CYTH1: variants seen among roughly 807,000 people sequenced by gnomAD.
CYTH1 encodes the protein cytohesin 1, also known as cytohesin-1.
CYTH1 carries 18 observed loss-of-function variants against 61.8 expected under a neutral mutation model. The ratio of observed to expected loss-of-function variants is 0.29; its 90% CI spans 0.20 to 0.43. The LOEUF is 0.43. CYTH1 is among the 20% of genes least tolerant of loss of function. The probability of loss-of-function intolerance (pLI) is 1.00; values close to 1 mark genes in which losing one functional copy is unlikely to be tolerated. For missense variants in CYTH1, 336 were observed against 510.5 expected, an observed-to-expected ratio of 0.66 and a Z score of 3.29; for synonymous variants, 174 against 184.3, an observed-to-expected ratio of 0.94 and a Z score of 0.45.
chr17:78,776,791 G>A (rs1386406696), intron 1 of CYTH1, among the ~76,000 whole-genome samples: 1 of 151,054 alleles, frequency 6.6e-6, no homozygotes, highest in Admixed American at 6.6e-5. Context: ...TTGTCTGGTG[G>A]GACTCCACAG....
chr17:78,765,802 G>A (rs1188274119), intron 1 of CYTH1, among the ~76,000 whole-genome samples: 2 of 152,112 alleles, frequency 1.3e-5, no homozygotes, highest in Non-Finnish European at 2.9e-5. Context: ...GCAGGCAAAT[G>A]ATCACAACTT....
chr17:78,677,291 G>T (rs1216210069), intron 13 of CYTH1: 3 of 358,948 alleles, frequency 8.4e-6, no homozygotes, highest in South Asian at 6.2e-5. Context: ...AAGCTGGGGG[G>T]TTCTGCAGAG....
intron 11 of CYTH1, among the ~76,000 whole-genome samples, chr17:78,684,948 C>G (rs1255460495): frequency 1.3e-5 from 2 of 152,180 alleles, no homozygotes; most frequent in Non-Finnish European, 2.9e-5. Context: ...CGCCTGTAAT[C>G]CCAGCACTTT....
intron 4 of CYTH1, 60 bp from the exon 5 acceptor site, chr17:78,702,300 G>C: frequency 7.1e-7 from 1 of 1,401,014 alleles, no homozygotes; most frequent in East Asian, 2.3e-5. Context: ...GAAAAGAAGG[G>C]GAAAGGGCAC....
At chr17:78,767,379 T>C (rs2093453120) in intron 1 of CYTH1, among the ~76,000 whole-genome samples, 1 of 152,160 alleles carries the variant, frequency 6.6e-6, no homozygotes, top group Admixed American at 6.5e-5. Flanking sequence ...CAGGCTCCCA[T>C]AGCATTTGTT....
chr17:78,745,136 G>C, intron 1 of CYTH1, among the ~76,000 whole-genome samples: 1 of 152,066 alleles, frequency 6.6e-6, no homozygotes, highest in East Asian at 1.9e-4. Context: ...GAGGACCCTT[G>C]AGCCAGGACT....
At position 78,711,302 on chromosome 17, in the gene CYTH1, A is replaced by T. The variant is rs1033059557; in HGVS notation, c.23-1570T>A. On this transcript the variant is annotated intron_variant, in intron 1 of 13. Transcript: ENST00000446868. ...TAAATAAATAAATAAATAAATAAAT[A>T]ATATATATATATACACACACACACA... is the stretch of plus-strand genomic sequence containing the variant. Among the ~76,000 whole-genome samples the T allele has an allele frequency of 6.0e-5, 8 of 132,246 alleles. 1 individual carries two copies. The South Asian group carries it at 9.5e-4, about 16-fold the overall frequency. 86.8% of individuals were successfully genotyped at this position (132,246 alleles called of 152,430 possible).
intron 13 of CYTH1, chr17:78,677,798 T>C (rs2092716811): frequency 6.6e-6 from 1 of 152,330 alleles, no homozygotes; most frequent in African/African-American, 2.4e-5. Context: ...CCAGATCATC[T>C]TCCTGCTCCT....
At chr17:78,754,491 G>A (rs2144684901) in intron 1 of CYTH1, among the ~76,000 whole-genome samples, 1 of 152,038 alleles carries the variant, frequency 6.6e-6, no homozygotes, top group South Asian at 2.1e-4. Context: ...CCACAGGTGT[G>A]CACCAACGTG....
intron 1 of CYTH1, among the ~76,000 whole-genome samples, chr17:78,765,065 T>G (rs1042267354): frequency 6.6e-6 from 1 of 152,112 alleles, no homozygotes; most frequent in African/African-American, 2.4e-5. Flanking sequence ...AAAGCATCCC[T>G]AGCACAGTGA....
chr17:78,681,399 A>G (rs7215260), intron 11 of CYTH1, among the ~76,000 whole-genome samples: 76,051 of 151,752 alleles, frequency 0.5, 19,366 homozygotes, highest in East Asian at 0.54. Context: ...GTTCTGGGGC[A>G]ACAACTCCAG....
At chr17:78,747,145 CAAAAAAAAAA>C (rs56201341) in intron 1 of CYTH1, among the ~76,000 whole-genome samples, 2 of 57,830 alleles carry the variant, frequency 3.5e-5, no homozygotes, top group African/African-American at 7.3e-5. Context: ...ATGGCAGCGC[CAAAAAAAAAA>C]AAAAAAAAAA....
chr17:78,676,309 G>T, intron 13 of CYTH1, 140 bp from the exon 14 acceptor site: 1 of 723,914 alleles, frequency 1.4e-6, no homozygotes. Context: ...CCAAGTTAGC[G>T]TCCTCCACCC....
intron 1 of CYTH1, among the ~76,000 whole-genome samples, chr17:78,768,228 T>C (rs957292198): frequency 6.6e-6 from 1 of 152,186 alleles, no homozygotes; most frequent in Non-Finnish European, 1.5e-5. Flanking sequence ...AAGAGTTATA[T>C]ACATTTGCCT....
At chr17:78,711,090 G>T (rs937364110) in intron 1 of CYTH1, among the ~76,000 whole-genome samples, 45 of 151,646 alleles carry the variant, frequency 3.0e-4, no homozygotes, top group African/African-American at 1.1e-3. Context: ...GTGAAACCCC[G>T]TCACTACTAA....
intron 1 of CYTH1, among the ~76,000 whole-genome samples, chr17:78,714,265 G>A (rs1598871396): frequency 1.3e-5 from 2 of 152,146 alleles, no homozygotes; most frequent in Admixed American, 1.3e-4. Context: ...ACTCCAGCCT[G>A]GGCAACAGAG....
chr17:78,734,434 T>G (rs1245544090), intron 1 of CYTH1, among the ~76,000 whole-genome samples: 14 of 5,504 alleles, frequency 2.5e-3, no homozygotes, highest in African/African-American at 0.011. Context: ...AAAAAAAGCT[T>G]TTTTTTTTTT....
At position 78,776,658 on chromosome 17, in the gene CYTH1, C is replaced by CAAAAA. The variant is rs1179473215; in HGVS notation, c.22+5539_22+5543dup. 1.7e-4 allele frequency among the ~76,000 whole-genome samples: 15 copies of CAAAAA among 88,330 alleles called. No homozygotes were observed. The East Asian group carries it at 2.4e-3, about 14-fold the overall frequency. The allele number at this position is 88,330 out of a possible 152,430, so 57.9% of individuals were successfully genotyped here. A position where few individuals can be genotyped will look rare whatever the true frequency, so the allele number is the denominator to read the frequency against. ...TGGACAACAGAGCGAGACTCTGTCTCAAAAAAAAAAAAAAAAAAAAGTACA... is the reference window on the plus strand; with the variant it reads ...TGGACAACAGAGCGAGACTCTGTCTCAAAAAAAAAAAAAAAAAAAAAAAAAGTACA... On this transcript the variant is annotated intron_variant, in intron 1 of 13. Transcript: ENST00000446868.
At chr17:78,730,112 C>T (rs912128856) in intron 1 of CYTH1, among the ~76,000 whole-genome samples, 3 of 152,140 alleles carry the variant, frequency 2.0e-5, no homozygotes, top group Non-Finnish European at 4.4e-5. Flanking sequence ...TGTAACTACA[C>T]CCATTCTGCT....
Sources: gnomAD v4.1 joint callset for allele counts (sites outside exome capture counted in the v4.1 genomes callset) on GRCh38, gnomAD v4.1.1 for gene constraint, MANE v1.5 for transcripts, NCBI Gene and HGNC (gene_info 2026-07-23, HGNC 2026-07-21) for gene names.